Variants in TUSC3 observed in about 807,000 individuals in gnomAD.
TUSC3 encodes dolichyl-diphosphooligosaccharide--protein glycosyltransferase subunit TUSC3.
Under a neutral mutation model 44.8 loss-of-function variants are expected in TUSC3, and 45 were observed. That is an observed-to-expected ratio of 1.00 (90% CI 0.79 to 1.29). The LOEUF is 1.29. Ranked by LOEUF, TUSC3 falls within the 50% of genes most tolerant of loss-of-function variation. The probability of loss-of-function intolerance (pLI) is 0.00; values close to 1 mark genes in which losing one functional copy is unlikely to be tolerated. For missense variants in TUSC3, 519 were observed against 437.9 expected (o/e 1.19, Z -1.65); for synonymous variants, 212 against 152.9 (o/e 1.39, Z -2.85).
chr8:15,757,728 GA>G, intron 9 of TUSC3, 62 bp from the exon 10 acceptor site: 5 of 1,474,194 alleles, frequency 3.4e-6, no homozygotes, highest in Non-Finnish European at 4.7e-6. Context: ...TGTACAAATG[GA>G]AATTCAATCT....
rs186540097 is a variant in TUSC3 at position 15,461,977 on chromosome 8, G to A, written n.92-21409G>A. Among the ~76,000 whole-genome samples, 543 of 152,096 alleles carry A rather than the reference G, an allele frequency of 3.6e-3. 2 individuals are homozygous for A. The highest frequency in any genetic ancestry group is 6.2e-3 in the Non-Finnish European group (421 of 67,928). On this transcript the variant is annotated intron_variant and non_coding_transcript_variant, in intron 1 of 5. Transcript: ENST00000503191. ...TGAAAAATAAGTGCTTCTGGTGATG[G>A]AACAGGCATCACATCTTATAATTGT...
chr8:15,527,172 T>C (rs1346940812), intron 2 of TUSC3, among the ~76,000 whole-genome samples: 1 of 152,226 alleles, frequency 6.6e-6, no homozygotes, highest in African/African-American at 2.4e-5. Flanking sequence ...TTTAAATTGT[T>C]ACTTCACACA....
chr8:15,772,046 G>A, the TUSC3 span, among the ~76,000 whole-genome samples: 6 of 152,068 alleles, frequency 3.9e-5, no homozygotes, highest in East Asian at 1.9e-4. Flanking sequence ...CCAGGATCGC[G>A]CCACTGCACT....
intron 7 of TUSC3, among the ~76,000 whole-genome samples, chr8:15,741,861 C>T (rs1457302888): frequency 6.6e-6 from 1 of 152,016 alleles, no homozygotes; most frequent in African/African-American, 2.4e-5. Context: ...TGTTAAGGAT[C>T]CATATCAGTC....
intron 2 of TUSC3, among the ~76,000 whole-genome samples, chr8:15,518,364 T>TG: frequency 6.6e-6 from 1 of 152,232 alleles, no homozygotes; most frequent in Middle Eastern, 3.4e-3. Context: ...TGTGTGATAT[T>TG]GGGAAAAAAG....
intron 1 of TUSC3, among the ~76,000 whole-genome samples, chr8:15,464,585 T>G (rs1166034662): frequency 6.6e-6 from 1 of 152,232 alleles, no homozygotes; most frequent in Non-Finnish European, 1.5e-5. Context: ...ATCATCCTAA[T>G]ATATCAGTCT....
At chr8:15,537,629 A>G (rs1801542939), upstream of TUSC3, among the ~76,000 whole-genome samples, 2 of 152,218 alleles carry the variant, frequency 1.3e-5, no homozygotes, top group African/African-American at 2.4e-5. Context: ...GAGACAGAAA[A>G]CAAATCCCTA....
At chr8:15,642,981 TG>T (rs1806449472) in intron 2 of TUSC3, among the ~76,000 whole-genome samples, 1 of 152,216 alleles carries the variant, frequency 6.6e-6, no homozygotes, top group Non-Finnish European at 1.5e-5. Flanking sequence ...ACGGCTTGAC[TG>T]TGTCCCCACA....
the TUSC3 span, among the ~76,000 whole-genome samples, chr8:15,773,108 C>G: frequency 6.6e-6 from 1 of 150,584 alleles, no homozygotes; most frequent in Admixed American, 6.6e-5. Context: ...CACCTCTATT[C>G]AGCATTATTC....
chr8:15,836,986 A>G, the TUSC3 span, among the ~76,000 whole-genome samples: 1 of 151,254 alleles, frequency 6.6e-6, no homozygotes, highest in African/African-American at 2.4e-5. Context: ...AATAATAACT[A>G]GTTTTTTTTC....
the TUSC3 span, among the ~76,000 whole-genome samples, chr8:15,847,896 A>T: frequency 6.6e-6 from 1 of 152,066 alleles, no homozygotes; most frequent in Non-Finnish European, 1.5e-5. Context: ...AGGAATAATC[A>T]TACCTGTGAG....
rs144962451 is a variant in TUSC3, at chr8:15,525,675, T to C, written n.189+42192T>C. Among the ~76,000 whole-genome samples the C allele has an allele frequency of 3.3e-5, 5 of 152,182 alleles. No homozygotes were observed. In the East Asian group the frequency reaches 5.8e-4, roughly 18 times the overall value. ...AGATAATCCAGAAAGACAGAGCTCA[T>C]GGTGGTTGGAGGATTCTTTGAAGAC... On this transcript the variant is annotated intron_variant and non_coding_transcript_variant, in intron 2 of 5. Transcript: ENST00000503191.
chr8:15,481,247 C>CA lies in TUSC3; in HGVS notation n.92-2118dup, dbSNP rs57956608. On this transcript the variant is annotated intron_variant and non_coding_transcript_variant, in intron 1 of 5. Transcript: ENST00000503191. ...GAGCAGCAAGAGTGAAACTCCATCT[C>CA]AAAAAAAAAAAAAAAAAAAAAGTGG... 8.4e-3 allele frequency among the ~76,000 whole-genome samples: 696 copies of CA among 82,864 alleles called. 11 individuals are homozygous for CA. The highest frequency in any genetic ancestry group is 0.057 in the East Asian group (158 of 2,758). 54.4% of individuals were successfully genotyped at this position (82,864 alleles called of 152,430 possible).
intron 2 of TUSC3, among the ~76,000 whole-genome samples, chr8:15,521,244 T>C (rs1457986905): frequency 6.6e-6 from 1 of 152,136 alleles, no homozygotes; most frequent in African/African-American, 2.4e-5. Flanking sequence ...ATGCTTGAGT[T>C]CTTAGGGACG....
downstream of TUSC3, among the ~76,000 whole-genome samples, chr8:15,767,178 C>T (rs564957914): frequency 2.0e-5 from 3 of 152,046 alleles, no homozygotes; most frequent in Non-Finnish European, 2.9e-5. Flanking sequence ...ATATAATTCA[C>T]GAGCATCTGC....
At chr8:15,825,890 T>C in the TUSC3 span, among the ~76,000 whole-genome samples, 1,708 of 139,874 alleles carry the variant, frequency 0.012, 41 homozygotes, top group African/African-American at 0.05. Flanking sequence ...TGTTTCTTTT[T>C]TTTTTTTTTT....
At chr8:15,799,977 G>T in the TUSC3 span, among the ~76,000 whole-genome samples, 4 of 152,160 alleles carry the variant, frequency 2.6e-5, no homozygotes, top group Admixed American at 2.6e-4. Context: ...CATTCAGTAG[G>T]TTGCACTACA....
At chr8:15,427,793 G>A (rs1434695592) in intron 1 of TUSC3, among the ~76,000 whole-genome samples, 1 of 152,012 alleles carries the variant, frequency 6.6e-6, no homozygotes, top group African/African-American at 2.4e-5. Flanking sequence ...TTTGTTGCCT[G>A]TGCTTTGTTG....
At chr8:15,845,512 A>G in the TUSC3 span, among the ~76,000 whole-genome samples, 1 of 152,158 alleles carries the variant, frequency 6.6e-6, no homozygotes, top group Non-Finnish European at 1.5e-5. Context: ...GATCTCTAAC[A>G]TTGTCTTGAG....
Sources: allele counts gnomAD v4.1 joint callset (sites outside exome capture counted in the v4.1 genomes callset), GRCh38; gene constraint gnomAD v4.1.1; transcripts MANE v1.5; gene names NCBI Gene and HGNC (gene_info 2026-07-23, HGNC 2026-07-21).